Variants in NEK11 observed in about 807,000 individuals in gnomAD.
The protein encoded by NEK11 is serine/threonine-protein kinase Nek11.
A neutral mutation model predicts 80.7 loss-of-function variants in NEK11; 72 were observed. That is an observed-to-expected ratio of 0.89 (90% CI 0.74 to 1.08). The LOEUF is 1.08. Ranked by LOEUF, NEK11 falls within the 50% of genes least tolerant of loss-of-function variation. The pLI, the probability that NEK11 is intolerant of heterozygous loss-of-function variation, is 0.00. For missense variants in NEK11, 764 were observed against 763.6 expected, an observed-to-expected ratio of 1.00 and a Z score of -0.01; for synonymous variants, 251 against 260.7, an observed-to-expected ratio of 0.96 and a Z score of 0.36.
At chr3:131,162,611 A>T in intron 11 of NEK11, 84 bp downstream of exon 11, 1 of 1,510,204 alleles carries the variant, frequency 6.6e-7, no homozygotes, top group Non-Finnish European at 9.0e-7. Context: ...GCAAAAACCA[A>T]AACAGGAAAC....
intron 14 of NEK11, among the ~76,000 whole-genome samples, chr3:131,222,345 CT>C (rs2095052148): frequency 6.6e-6 from 1 of 152,132 alleles, no homozygotes; most frequent in Non-Finnish European, 1.5e-5. Flanking sequence ...CAAATGGTAT[CT>C]TTGTGCTATT....
chr3:131,037,197 T>G (rs1032433478), intron 3 of NEK11, among the ~76,000 whole-genome samples: 1 of 145,572 alleles, frequency 6.9e-6, no homozygotes, highest in Non-Finnish European at 1.5e-5. Flanking sequence ...CACTGAGAAA[T>G]GACAGGCATT....
chr3:131,124,742 A>G (rs1461448190), intron 5 of NEK11, among the ~76,000 whole-genome samples: 1 of 152,222 alleles, frequency 6.6e-6, no homozygotes, highest in Admixed American at 6.5e-5. Context: ...ATACTCATGT[A>G]CAGCATAGGT....
chr3:131,068,227 C>T (rs540498813), intron 3 of NEK11, among the ~76,000 whole-genome samples: 15 of 152,262 alleles, frequency 9.9e-5, no homozygotes, highest in African/African-American at 3.6e-4. Flanking sequence ...TGCCTGTTCT[C>T]AGCCTTGCTA....
chr3:131,280,263 GA>G (rs1178917142), intron 17 of NEK11, among the ~76,000 whole-genome samples: 2 of 152,060 alleles, frequency 1.3e-5, no homozygotes, highest in Non-Finnish European at 2.9e-5. Context: ...GTGAGCACAG[GA>G]AAAAAATAAT....
At chr3:131,068,929 C>T (rs1462111316) in intron 3 of NEK11, among the ~76,000 whole-genome samples, 1 of 152,150 alleles carries the variant, frequency 6.6e-6, no homozygotes, top group African/African-American at 2.4e-5. Context: ...CCATCTCAAA[C>T]TTAAATGCAG....
chr3:131,322,793 G>A (rs1299295012), intron 17 of NEK11, among the ~76,000 whole-genome samples: 1 of 152,156 alleles, frequency 6.6e-6, no homozygotes, highest in Non-Finnish European at 1.5e-5. Flanking sequence ...GACCCTGTGG[G>A]TCACATACTG....
At chr3:131,034,556 C>T (rs2065348411) in intron 3 of NEK11, among the ~76,000 whole-genome samples, 2 of 152,178 alleles carry the variant, frequency 1.3e-5, no homozygotes, top group Admixed American at 6.5e-5. Context: ...CCCGCCACCA[C>T]ACCCGGCTAA....
intron 17 of NEK11, among the ~76,000 whole-genome samples, chr3:131,284,210 T>C (rs563786045): frequency 1.3e-5 from 2 of 152,320 alleles, no homozygotes; most frequent in African/African-American, 4.8e-5. Context: ...TGTATTTGTT[T>C]CCCTGCTCCA....
At chr3:131,237,003 T>A (rs1301631283) in intron 15 of NEK11, among the ~76,000 whole-genome samples, 2 of 152,128 alleles carry the variant, frequency 1.3e-5, no homozygotes, top group Non-Finnish European at 2.9e-5. Context: ...TGGACACCAT[T>A]TGTGGGAGAG....
intron 16 of NEK11, among the ~76,000 whole-genome samples, chr3:131,244,613 T>G (rs1197344738): frequency 6.6e-6 from 1 of 152,036 alleles, no homozygotes; most frequent in Non-Finnish European, 1.5e-5. Context: ...CAGCAGAGGC[T>G]CTTTAAAAAT....
chr3:131,334,998 G>A (rs2097157959), intron 17 of NEK11, among the ~76,000 whole-genome samples: 1 of 152,150 alleles, frequency 6.6e-6, no homozygotes, highest in African/African-American at 2.4e-5. Context: ...ACCAAAAAGA[G>A]TCCGGGACCA....
rs987803628 is a variant in NEK11, at chr3:131,206,368, CTG to C, written c.1400-22158_1400-22157del. 3.5e-4 allele frequency among the ~76,000 whole-genome samples: 54 copies of C among 152,200 alleles called. 1 individual carries two copies. Among genetic ancestry groups the C allele is most frequent in the Admixed American group, 1.2e-3 (18 of 15,280 alleles). On this transcript the variant is annotated intron_variant, in intron 14 of 17. Coordinates refer to ENST00000383366, the MANE Select transcript of NEK11 (RefSeq NM_024800.5). ...TTGCAAGTTTCTATTTGTTAAGAAA[CTG>C]TTTTTATTTTTAAACTTAACAAAGG...
intron 14 of NEK11, among the ~76,000 whole-genome samples, chr3:131,224,495 C>T (rs1435574246): frequency 6.6e-6 from 1 of 152,130 alleles, no homozygotes; most frequent in African/African-American, 2.4e-5. Flanking sequence ...TGCCAAAGTG[C>T]TGGGATTATA....
intron 4 of NEK11, among the ~76,000 whole-genome samples, chr3:131,084,038 T>C (rs958326509): frequency 2.0e-5 from 3 of 152,118 alleles, no homozygotes; most frequent in African/African-American, 7.2e-5. Context: ...CAGGCCCAGC[T>C]TAAATGCCAC....
chr3:131,048,255 G>T (rs974667257), intron 3 of NEK11, among the ~76,000 whole-genome samples: 4 of 152,116 alleles, frequency 2.6e-5, no homozygotes, highest in Admixed American at 2.6e-4. Flanking sequence ...CCCACCTGCC[G>T]CAGCTTCTGT....
chr3:131,030,874 G>A (rs561832453), intron 3 of NEK11, among the ~76,000 whole-genome samples: 1 of 152,282 alleles, frequency 6.6e-6, no homozygotes, highest in African/African-American at 2.4e-5. Flanking sequence ...AAGTAAGTTG[G>A]AACTGAAGTT....
At chr3:131,109,638 A>G (rs532047232) in intron 4 of NEK11, 165 bp from the exon 5 acceptor site, 1 of 687,630 alleles carries the variant, frequency 1.5e-6, no homozygotes, top group South Asian at 2.3e-5. Context: ...AGAGTGCTCA[A>G]AGGAACCTGG....
At chr3:131,315,248 T>C (rs886540078) in intron 17 of NEK11, among the ~76,000 whole-genome samples, 52 of 152,206 alleles carry the variant, frequency 3.4e-4, no homozygotes, top group African/African-American at 1.2e-3. Flanking sequence ...CTGTGTATGC[T>C]TTGACTTACA....
Sources: allele counts gnomAD v4.1 joint callset (sites outside exome capture counted in the v4.1 genomes callset), GRCh38; gene constraint gnomAD v4.1.1; transcripts MANE v1.5; gene names NCBI Gene and HGNC (gene_info 2026-07-23, HGNC 2026-07-21).